Variants in NFKB1 observed in about 807,000 individuals in gnomAD.
NFKB1 encodes nuclear factor NF-kappa-B p105 subunit.
NFKB1 carries 9 observed loss-of-function variants against 105.1 expected under a neutral mutation model. The observed-to-expected ratio is 0.09, with a 90% CI of 0.05 to 0.15. The LOEUF is 0.15. NFKB1 is among the 10% of genes least tolerant of loss of function. NFKB1 has a pLI of 1.00. For missense variants in NFKB1, 830 were observed against 1,203.7 expected, an observed-to-expected ratio of 0.69 and a Z score of 4.59; for synonymous variants, 440 against 442.2, an observed-to-expected ratio of 1.00 and a Z score of 0.06.
chr4:102,580,240 T>G (rs1301548934), intron 8 of NFKB1, among the ~76,000 whole-genome samples: 2 of 152,224 alleles, frequency 1.3e-5, no homozygotes, highest in Non-Finnish European at 2.9e-5. Flanking sequence ...AGCTTGGTAC[T>G]TCCCAATACA....
At chr4:102,606,370 T>G in intron 16 of NFKB1, 126 bp from the exon 17 acceptor site, 1 of 899,768 alleles carries the variant, frequency 1.1e-6, no homozygotes. Flanking sequence ...AGGTCAGAAG[T>G]TAATCTGGGA....
intron 1 of NFKB1, among the ~76,000 whole-genome samples, chr4:102,511,448 G>A (rs1398619973): frequency 6.6e-6 from 1 of 152,190 alleles, no homozygotes; most frequent in Non-Finnish European, 1.5e-5. Context: ...GCCGAGAAGG[G>A]AGGATTGCTT....
At chr4:102,508,346 A>C (rs897964992) in intron 1 of NFKB1, among the ~76,000 whole-genome samples, 6 of 152,202 alleles carry the variant, frequency 3.9e-5, no homozygotes, top group Admixed American at 2.0e-4. Context: ...ATGATGGAAG[A>C]AGCATGTGTG....
intron 1 of NFKB1, among the ~76,000 whole-genome samples, chr4:102,512,062 G>C (rs939052765): frequency 2.0e-5 from 3 of 152,136 alleles, no homozygotes; most frequent in Admixed American, 2.0e-4. Context: ...GTGTCAGTTG[G>C]GCTCTAAGCT....
At chr4:102,501,981 C>G (rs1395267327) in intron 1 of NFKB1, 193 bp downstream of exon 1, 3 of 152,336 alleles carry the variant, frequency 2.0e-5, no homozygotes, top group Non-Finnish European at 4.4e-5. Flanking sequence ...AAAGACACAT[C>G]CGGACCTCGC....
intron 15 of NFKB1, among the ~76,000 whole-genome samples, chr4:102,598,654 A>G (rs1253920022): frequency 2.6e-5 from 4 of 152,218 alleles, no homozygotes; most frequent in African/African-American, 9.6e-5. Flanking sequence ...ATTCTTTTTC[A>G]GGGTTAAATA....
intron 3 of NFKB1, among the ~76,000 whole-genome samples, chr4:102,532,908 G>A (rs970269316): frequency 1.3e-5 from 2 of 152,146 alleles, no homozygotes; most frequent in African/African-American, 2.4e-5. Flanking sequence ...AATCAGCTGG[G>A]AAGCTTAAGG....
At chr4:102,580,714 T>A in intron 9 of NFKB1, 75 bp downstream of exon 9, 4 of 1,218,692 alleles carry the variant, frequency 3.3e-6, no homozygotes, top group Non-Finnish European at 4.8e-6. Flanking sequence ...TGTCTGTGAG[T>A]CACATTTCAG....
At chr4:102,614,535 TAG>T (rs1728753881) in intron 23 of NFKB1, among the ~76,000 whole-genome samples, 2 of 152,318 alleles carry the variant, frequency 1.3e-5, no homozygotes, top group South Asian at 4.1e-4. Context: ...AAGAATTTTT[TAG>T]AGTTATTCTT....
At chr4:102,536,347 G>A (rs184218413) in intron 4 of NFKB1, among the ~76,000 whole-genome samples, 1 of 152,232 alleles carries the variant, frequency 6.6e-6, no homozygotes, top group African/African-American at 2.4e-5. Flanking sequence ...ATTGTTTTAG[G>A]TCTCACTGTG....
chr4:102,589,817 A>C (rs910643355), intron 11 of NFKB1, among the ~76,000 whole-genome samples: 9 of 152,270 alleles, frequency 5.9e-5, no homozygotes, highest in Non-Finnish European at 1.0e-4. Flanking sequence ...GCTCCAGCCC[A>C]AAAAAAGAGA....
At chr4:102,593,685 T>A in intron 12 of NFKB1, 117 bp downstream of exon 12, 3 of 921,158 alleles carry the variant, frequency 3.3e-6, no homozygotes, top group Non-Finnish European at 4.5e-6. Context: ...TTGAGTATAT[T>A]AATTAAAATT....
intron 3 of NFKB1, among the ~76,000 whole-genome samples, chr4:102,532,591 G>C (rs941707793): frequency 1.3e-5 from 2 of 151,998 alleles, no homozygotes; most frequent in Admixed American, 6.6e-5. Flanking sequence ...TTGTGCCATG[G>C]CACTCCAGCC....
chr4:102,578,597 G>C (rs536382099), intron 7 of NFKB1: 17 of 477,864 alleles, frequency 3.6e-5, no homozygotes, highest in African/African-American at 2.7e-4. Flanking sequence ...CTGTAGAGAG[G>C]AAAGGGAAAG....
chr4:102,565,345 C>T (rs767475016), intron 5 of NFKB1, among the ~76,000 whole-genome samples: 2 of 152,100 alleles, frequency 1.3e-5, no homozygotes, highest in Non-Finnish European at 2.9e-5. Flanking sequence ...TGGAGCTGCA[C>T]AGTTGACTGT....
chr4:102,523,040 A>G (rs1740667745), intron 1 of NFKB1, among the ~76,000 whole-genome samples: 1 of 152,220 alleles, frequency 6.6e-6, no homozygotes, highest in African/African-American at 2.4e-5. Flanking sequence ...TTATTTGCTA[A>G]TTAACATATT....
At chr4:102,516,541 T>C (rs1046276266) in intron 1 of NFKB1, among the ~76,000 whole-genome samples, 1 of 151,814 alleles carries the variant, frequency 6.6e-6, no homozygotes, top group Non-Finnish European at 1.5e-5. Context: ...GCTAAGTCCA[T>C]CTAGTGAAAT....
intron 7 of NFKB1, chr4:102,577,893 T>C (rs1560689949): frequency 2.0e-6 from 2 of 985,402 alleles, no homozygotes; most frequent in Non-Finnish European, 1.2e-6. Flanking sequence ...CAAGTTTACA[T>C]CTTGTAGCCA....
chr4:102,574,691 G>A (rs1724669681), intron 6 of NFKB1, among the ~76,000 whole-genome samples: 1 of 152,036 alleles, frequency 6.6e-6, no homozygotes, highest in Non-Finnish European at 1.5e-5. Context: ...AAAGATTACT[G>A]TTCTGTGCTG....
Sources: gnomAD v4.1 joint callset for allele counts (sites outside exome capture counted in the v4.1 genomes callset) on GRCh38, gnomAD v4.1.1 for gene constraint, MANE v1.5 for transcripts, NCBI Gene and HGNC (gene_info 2026-07-23, HGNC 2026-07-21) for gene names.